The following IL12A variants were observed in gnomAD, a reference collection of about 807,000 sequenced individuals.
IL12A encodes the protein interleukin-12 subunit alpha.
Under a neutral mutation model 23.5 loss-of-function variants are expected in IL12A, and 16 were observed. That is an observed-to-expected ratio of 0.68 (90% CI 0.46 to 1.03). The LOEUF (loss-of-function observed/expected upper bound fraction) is 1.03. IL12A is among the 50% of genes least tolerant of loss of function. The probability of loss-of-function intolerance (pLI) is 0.00; values close to 1 mark genes in which losing one functional copy is unlikely to be tolerated. For missense variants in IL12A, 275 were observed against 307.0 expected, an observed-to-expected ratio of 0.90 and a Z score of 0.78; for synonymous variants, 106 against 111.5, an observed-to-expected ratio of 0.95 and a Z score of 0.31.
chr3:159,990,900 C>T (rs931028375), intron 2 of IL12A, among the ~76,000 whole-genome samples: 7 of 152,140 alleles, frequency 4.6e-5, no homozygotes, highest in Admixed American at 2.0e-4. Flanking sequence ...AAAACATTGC[C>T]GTTAAAAACT....
rs60659167 is a variant in IL12A, at chr3:159,994,579, C to CGTGTGTGTGTGT, written c.606+763_606+774dup. Among the ~76,000 whole-genome samples, 512 of 135,720 alleles carry CGTGTGTGTGTGT rather than the reference C, an allele frequency of 3.8e-3. 6 individuals carry two copies. The highest frequency in any genetic ancestry group is 0.011 in the African/African-American group (420 of 38,544). 89.0% of individuals were successfully genotyped at this position (135,720 alleles called of 152,430 possible). ...GTAATTGTTTTACTTTTATTCTTTT[C>CGTGTGTGTGTGT]GTGTGTGTGTGTGTGTGTGTGTGTG... On this transcript the variant is annotated intron_variant, in intron 6 of 6. Transcript: ENST00000305579.
chr3:159,992,269 TCA>T (rs1274754436), intron 2 of IL12A, among the ~76,000 whole-genome samples: 2 of 152,194 alleles, frequency 1.3e-5, no homozygotes, highest in Non-Finnish European at 2.9e-5. Context: ...CATGCCCTTC[TCA>T]CCATGTCTCA....
intron 3 of IL12A, 36 bp from the exon 4 acceptor site, chr3:159,993,415 G>T: frequency 6.5e-7 from 1 of 1,529,856 alleles, no homozygotes; most frequent in African/African-American, 1.4e-5. Context: ...TTTATACTAA[G>T]AATTAATACT....
intron 2 of IL12A, among the ~76,000 whole-genome samples, chr3:159,991,986 A>T (rs1720332207): frequency 6.6e-6 from 1 of 152,190 alleles, no homozygotes; most frequent in South Asian, 2.1e-4. Flanking sequence ...CTGCACCTTC[A>T]TTCCTCTTTG....
chr3:159,992,201 T>C (rs537957636), intron 2 of IL12A, among the ~76,000 whole-genome samples: 2 of 152,336 alleles, frequency 1.3e-5, no homozygotes, highest in Admixed American at 6.5e-5. Context: ...CTCCTCTTAA[T>C]GTGGGTGTCC....
intron 6 of IL12A, among the ~76,000 whole-genome samples, chr3:159,994,580 G>A (rs1287336150): frequency 3.3e-5 from 1 of 30,486 alleles, no homozygotes; most frequent in South Asian, 1.3e-3. Flanking sequence ...TATTCTTTTC[G>A]TGTGTGTGTG....
At position 159,989,123 on chromosome 3, in the gene IL12A, G is replaced by A. The variant is rs894950765; in HGVS notation, c.67G>A (p.Ala23Thr). Residue 23 changes from alanine (A) to threonine (T), a missense_variant, in exon 1 of 7, where the codon GCG becomes ACG. By Grantham distance (58) the Ala-to-Thr change is moderately conservative. Transcript: ENST00000305579. ...TGCCGCGGCCACAGGTCTGCATCCA[G>A]CGGCTCGCCCTGTGTCCCTGCAGTG... is the stretch of plus-strand genomic sequence containing the variant. 49 of 1,612,740 alleles carry A rather than the reference G, an allele frequency of 3.0e-5. No homozygotes were observed. The highest frequency in any genetic ancestry group is 3.6e-5 in the Non-Finnish European group (43 of 1,179,724).
chr3:159,994,168 CCACT>C, intron 6 of IL12A: 1 of 221,012 alleles, frequency 4.5e-6, no homozygotes, highest in Non-Finnish European at 9.1e-6. Context: ...GAGAGTTAAA[CCACT>C]TGTCTGAGGC....
At position 159,990,181 on chromosome 3, in the gene IL12A, G is replaced by A. The variant is rs1403182963; in HGVS notation, c.133G>A (p.Ala45Thr). Residue 45 changes from alanine (A) to threonine (T), a missense_variant, in exon 2 of 7, where the codon GCT becomes ACT. By Grantham distance (58) the Ala-to-Thr change is moderately conservative. Coordinates refer to ENST00000305579, the MANE Select transcript of IL12A (RefSeq NM_000882.4). ...CTTCCTTCCAGGCCTCCTCCTTGTG[G>A]CTACCCTGGTCCTCCTGGACCACCT... The A allele has an allele frequency of 6.2e-7, 1 of 1,614,012 alleles. No individual in the cohort carries two copies. Among genetic ancestry groups the A allele is most frequent in the East Asian group, 2.2e-5 (1 of 44,862 alleles).
chr3:159,991,177 A>G (rs1720295200), intron 2 of IL12A, among the ~76,000 whole-genome samples: 1 of 152,212 alleles, frequency 6.6e-6, no homozygotes, highest in African/African-American at 2.4e-5. Flanking sequence ...TCCCGAAGAA[A>G]GGTTCAAAAT....
chr3:159,989,782 T>TA (rs953199294), intron 1 of IL12A, among the ~76,000 whole-genome samples: 18 of 151,960 alleles, frequency 1.2e-4, no homozygotes, highest in Admixed American at 5.9e-4. Flanking sequence ...GACTCCGTCT[T>TA]AAAAAAACAA....
chr3:159,995,404 G>A lies in IL12A; in HGVS notation c.607G>A (p.Ala203Thr). The change falls in exon 7 of 7, where the codon GCC (alanine) becomes ACC (threonine). Residue 203 changes from alanine to threonine, a missense_variant and splice_region_variant. By Grantham distance (58) the Ala-to-Thr change is moderately conservative. Coordinates refer to ENST00000305579, the MANE Select transcript of IL12A (RefSeq NM_000882.4). ...TCATGCTTACTGTTCATTCTCCTAG[G>A]CCCTGAATTTCAACAGTGAGACTGT... The A allele has an allele frequency of 6.3e-7, 1 of 1,592,132 alleles. No individual in the cohort carries two copies. Among genetic ancestry groups the A allele is most frequent in the Non-Finnish European group, 8.5e-7 (1 of 1,171,624 alleles).
chr3:159,990,658 C>A (rs80349642), intron 2 of IL12A, among the ~76,000 whole-genome samples: 1 of 152,118 alleles, frequency 6.6e-6, no homozygotes, highest in Non-Finnish European at 1.5e-5. Context: ...CTGATCAATC[C>A]CGGAAATAGT....
In IL12A at chr3:159,989,136, T is replaced by A; in HGVS notation, c.80T>A (p.Val27Glu). 6.2e-7 allele frequency: 1 copy of A among 1,612,330 alleles called. No homozygotes were observed. The highest frequency in any genetic ancestry group is 1.1e-5 in the South Asian group (1 of 90,850). The change falls in exon 1 of 7, where the codon GTG (valine) becomes GAG (glutamate). Residue 27 changes from valine (V) to glutamate (E), a missense_variant. Transcript: ENST00000305579. ...GGTCTGCATCCAGCGGCTCGCCCTGTGTCCCTGCAGTGCCGGCTCAGCATG... is the reference window on the plus strand; with the variant it reads ...GGTCTGCATCCAGCGGCTCGCCCTGAGTCCCTGCAGTGCCGGCTCAGCATG...
chr3:159,991,893 A>T lies in IL12A; in HGVS notation c.265-1119A>T, dbSNP rs2243125. ...CTTCTACCCGCTTCTACTTTTGAGGACACTGCTTACACTGGATTCACCCAG... is the reference window on the plus strand; with the variant it reads ...CTTCTACCCGCTTCTACTTTTGAGGTCACTGCTTACACTGGATTCACCCAG... On this transcript the variant is annotated intron_variant, in intron 2 of 6. Transcript: ENST00000305579. Among the ~76,000 whole-genome samples, 440 of 152,284 alleles carry T rather than the reference A, an allele frequency of 2.9e-3. 2 individuals are homozygous for T. Among genetic ancestry groups the T allele is most frequent in the African/African-American group, 0.01 (416 of 41,540 alleles).
rs1173485676 is a variant in IL12A at position 159,993,706 on chromosome 3, G to A, written c.468G>A (p.Leu156=). 4 of 1,614,140 alleles carry A rather than the reference G, an allele frequency of 2.5e-6. No individual in the cohort carries two copies. Among genetic ancestry groups the A allele is most frequent in the Non-Finnish European group, 3.4e-6 (4 of 1,180,014 alleles). Residue 156 remains leucine (L), a synonymous_variant, in exon 6 of 7, where the codon CTG becomes CTA. Transcript: ENST00000305579. ...CATCTTGTCATGTCACCCAGGCCCTGTGCCTTAGTAGTATTTATGAAGACT... is the reference window on the plus strand; with the variant it reads ...CATCTTGTCATGTCACCCAGGCCCTATGCCTTAGTAGTATTTATGAAGACT...
rs769557811 is a variant in IL12A at position 159,993,010 on chromosome 3, A to T, written c.265-2A>T. 6.5e-7 allele frequency: 1 copy of T among 1,536,460 alleles called. No homozygotes were observed. The highest frequency in any genetic ancestry group is 1.1e-5 in the South Asian group (1 of 88,768). ...ACTGAGTTTCTCCTTCATTTTTTAT[A>T]GGCCAGACAAACTCTAGAATTTTAC... On this transcript the variant is annotated splice_acceptor_variant, in intron 2 of 6. Transcript: ENST00000305579. LOFTEE classifies it high-confidence loss of function.
In IL12A at chr3:159,995,486, G is replaced by A; in HGVS notation, c.689G>A (p.Cys230Tyr). Residue 230 changes from cysteine to tyrosine, a missense_variant, in exon 7 of 7, where the codon TGC (cysteine) becomes TAC (tyrosine). By Grantham distance (194) the Cys-to-Tyr change is radical (BLOSUM62 -2). Transcript: ENST00000305579. ...TTTTATAAAACTAAAATCAAGCTCT[G>A]CATACTTCTTCATGCTTTCAGAATT... 1 of 1,608,252 alleles carries A rather than the reference G, an allele frequency of 6.2e-7. No homozygotes were observed. The highest frequency in any genetic ancestry group is 1.1e-5 in the South Asian group (1 of 89,678).
At chr3:159,989,250 C>A (rs1577555266) in intron 1 of IL12A, 76 bp downstream of exon 1, 1 of 1,142,384 alleles carries the variant, frequency 8.8e-7, no homozygotes, top group Non-Finnish European at 1.3e-6. Context: ...TGGGTAGAAA[C>A]TCAAGTCTGC....
Sources: allele counts gnomAD v4.1 joint callset (sites outside exome capture counted in the v4.1 genomes callset), GRCh38; gene constraint gnomAD v4.1.1; transcripts MANE v1.5; gene names NCBI Gene and HGNC (gene_info 2026-07-23, HGNC 2026-07-21).